Variants in GPC6 observed in about 807,000 individuals in gnomAD.
GPC6 encodes the protein glypican-6.
GPC6 carries 14 observed loss-of-function variants against 55.2 expected under a neutral mutation model. The ratio of observed to expected loss-of-function variants is 0.25; its 90% CI spans 0.17 to 0.40. The LOEUF is 0.40. Ranked by LOEUF, GPC6 falls within the 10% of genes least tolerant of loss-of-function variation. The pLI, the probability that GPC6 is intolerant of heterozygous loss-of-function variation, is 1.00. For missense variants in GPC6, 641 were observed against 708.5 expected (o/e 0.90, Z 1.08); for synonymous variants, 278 against 259.6 (o/e 1.07, Z -0.68).
intron 1 of GPC6, among the ~76,000 whole-genome samples, chr13:93,272,206 G>T (rs1016516095): frequency 6.6e-6 from 1 of 151,938 alleles, no homozygotes; most frequent in Non-Finnish European, 1.5e-5. Flanking sequence ...TGACTAGTTT[G>T]AATAAGATAA....
chr13:94,053,518 A>G (rs1050686650), intron 4 of GPC6, among the ~76,000 whole-genome samples: 2 of 152,170 alleles, frequency 1.3e-5, no homozygotes, highest in Admixed American at 6.6e-5. Flanking sequence ...AGTGTGAAGG[A>G]AGAAATAGAA....
At chr13:94,049,195 A>C (rs1883843163) in intron 4 of GPC6, among the ~76,000 whole-genome samples, 1 of 151,908 alleles carries the variant, frequency 6.6e-6, no homozygotes, top group Admixed American at 6.6e-5. Context: ...AGGCTGCAGT[A>C]AGACGACTGC....
intron 6 of GPC6, 52 bp from the exon 7 acceptor site, chr13:94,382,362 T>TG: frequency 6.2e-7 from 1 of 1,605,120 alleles, no homozygotes. Context: ...TGTGTAGAAA[T>TG]GGGGAAAGCC....
At chr13:94,313,902 T>A (rs1468174121) in intron 6 of GPC6, among the ~76,000 whole-genome samples, 2 of 152,348 alleles carry the variant, frequency 1.3e-5, no homozygotes, top group Middle Eastern at 3.4e-3. Flanking sequence ...CATGTTGATA[T>A]GCTTATTTTC....
intron 1 of GPC6, among the ~76,000 whole-genome samples, chr13:93,323,248 TA>T (rs1245197911): frequency 6.6e-6 from 1 of 152,192 alleles, no homozygotes; most frequent in Non-Finnish European, 1.5e-5. Context: ...CACCATTATA[TA>T]GTTAAGAAAT....
At chr13:93,230,494 C>G (rs886807576) in intron 1 of GPC6, among the ~76,000 whole-genome samples, 8 of 152,150 alleles carry the variant, frequency 5.3e-5, no homozygotes, top group South Asian at 2.1e-4. Flanking sequence ...GACTATTTAT[C>G]CTTGTTTGAA....
At position 93,927,206 on chromosome 13, in the gene GPC6, G is replaced by A. The variant is rs143579110; in HGVS notation, c.711+96661G>A. 2.7e-3 allele frequency among the ~76,000 whole-genome samples: 413 copies of A among 152,254 alleles called. 5 individuals are homozygous for A. Among genetic ancestry groups the A allele is most frequent in the Non-Finnish European group, 3.5e-3 (236 of 68,002 alleles). Reference sequence around the variant, plus strand: ...AATATCTTAGCCTGTCTGTGGAGACGAGGAGAGAATTTCATTGAGTCTCAT... The same window carrying A: ...AATATCTTAGCCTGTCTGTGGAGACAAGGAGAGAATTTCATTGAGTCTCAT... On this transcript the variant is annotated intron_variant, in intron 3 of 8. Coordinates refer to ENST00000377047, the MANE Select transcript of GPC6 (RefSeq NM_005708.5).
chr13:93,562,558 C>A (rs1875868734), intron 2 of GPC6, among the ~76,000 whole-genome samples: 2 of 152,080 alleles, frequency 1.3e-5, no homozygotes, highest in Non-Finnish European at 1.5e-5. Context: ...ATACATAAAG[C>A]ACTTATTATC....
chr13:93,291,170 T>G (rs1878308717), intron 1 of GPC6, among the ~76,000 whole-genome samples: 1 of 152,282 alleles, frequency 6.6e-6, no homozygotes, highest in Non-Finnish European at 1.5e-5. Context: ...GATTATAAAC[T>G]CTTTTATAGT....
chr13:93,409,255 CATTAGTG>C (rs1445771238), intron 1 of GPC6, among the ~76,000 whole-genome samples: 2 of 151,748 alleles, frequency 1.3e-5, no homozygotes, highest in African/African-American at 4.8e-5. Flanking sequence ...TTGCCCTACT[CATTAGTG>C]ATTAAGATGG....
intron 3 of GPC6, among the ~76,000 whole-genome samples, chr13:94,020,033 C>T (rs566937873): frequency 1.3e-5 from 2 of 151,942 alleles, no homozygotes; most frequent in East Asian, 3.9e-4. Flanking sequence ...TCACTCTAAT[C>T]TTTATTATTT....
chr13:93,295,628 C>T (rs956233572), intron 1 of GPC6, among the ~76,000 whole-genome samples: 4 of 151,880 alleles, frequency 2.6e-5, no homozygotes, highest in Non-Finnish European at 5.9e-5. Flanking sequence ...CTATAGGCGC[C>T]TGCTACTGCG....
chr13:94,301,943 G>A (rs188731859), intron 5 of GPC6, among the ~76,000 whole-genome samples: 4 of 152,186 alleles, frequency 2.6e-5, no homozygotes, highest in South Asian at 4.2e-4. Flanking sequence ...AAGCCACTGA[G>A]GAAAAGGCTA....
At chr13:93,731,734 AC>A (rs1194254739) in intron 2 of GPC6, among the ~76,000 whole-genome samples, 3 of 152,176 alleles carry the variant, frequency 2.0e-5, no homozygotes, top group Non-Finnish European at 4.4e-5. Context: ...TGAATTGTAT[AC>A]AAATATGGAA....
chr13:93,437,027 G>A (rs958013911), intron 1 of GPC6, among the ~76,000 whole-genome samples: 1 of 151,738 alleles, frequency 6.6e-6, no homozygotes, highest in African/African-American at 2.4e-5. Flanking sequence ...AATATTTTAA[G>A]TTCGTTATCA....
intron 4 of GPC6, among the ~76,000 whole-genome samples, chr13:94,046,885 T>C (rs1220070310): frequency 6.6e-6 from 1 of 152,152 alleles, no homozygotes; most frequent in Non-Finnish European, 1.5e-5. Context: ...GTAGTGTGTG[T>C]AAAATGTACA....
intron 2 of GPC6, among the ~76,000 whole-genome samples, chr13:93,615,172 TG>T (rs1428746021): frequency 6.6e-6 from 1 of 152,184 alleles, no homozygotes; most frequent in African/African-American, 2.4e-5. Flanking sequence ...TGGTGGAATT[TG>T]GTTGGTATAC....
At chr13:93,460,881 A>G (rs1227682159) in intron 1 of GPC6, among the ~76,000 whole-genome samples, 5 of 152,190 alleles carry the variant, frequency 3.3e-5, no homozygotes, top group African/African-American at 4.8e-5. Flanking sequence ...AATTATATGT[A>G]TCTTGCACAC....
chr13:94,398,381 A>G lies in GPC6; in HGVS notation c.1290-85A>G, dbSNP rs1475840085. On this transcript the variant is annotated intron_variant, in intron 7 of 8. Coordinates refer to ENST00000377047, the MANE Select transcript of GPC6 (RefSeq NM_005708.5). ...GGTGTCTTGGCTGACTGTCAGAGACAGTCATCTGGTTTTGCATGGCAGCAT... is the reference window on the plus strand; with the variant it reads ...GGTGTCTTGGCTGACTGTCAGAGACGGTCATCTGGTTTTGCATGGCAGCAT... 3 of 1,008,806 alleles carry G rather than the reference A, an allele frequency of 3.0e-6. No homozygotes were observed. The African/African-American group carries it at 4.7e-5, about 16-fold the overall frequency. 62.5% of individuals were successfully genotyped at this position (1,008,806 alleles called of 1,614,324 possible). A position where few individuals can be genotyped will look rare whatever the true frequency, so the allele number is the denominator to read the frequency against.
Sources: allele counts gnomAD v4.1 joint callset (sites outside exome capture counted in the v4.1 genomes callset), GRCh38; gene constraint gnomAD v4.1.1; transcripts MANE v1.5; gene names NCBI Gene and HGNC (gene_info 2026-07-23, HGNC 2026-07-21).